The following ATP10B variants were observed in gnomAD, a reference collection of about 807,000 sequenced individuals.
ATP10B encodes phospholipid-transporting ATPase VB.
In ATP10B, 122 loss-of-function variants were observed where a neutral mutation model predicts 141.2. The observed-to-expected ratio is 0.86, with a 90% CI of 0.75 to 1.00. The LOEUF (loss-of-function observed/expected upper bound fraction) is 1.00, where lower values mean the gene tolerates loss of function less well. Ranked by LOEUF, ATP10B falls within the 50% of genes least tolerant of loss-of-function variation. The probability of loss-of-function intolerance (pLI) is 0.00; values close to 1 mark genes in which losing one functional copy is unlikely to be tolerated. For missense variants in ATP10B, 1,876 were observed against 1,825.3 expected, an observed-to-expected ratio of 1.03 and a Z score of -0.51; for synonymous variants, 685 against 692.0, an observed-to-expected ratio of 0.99 and a Z score of 0.16.
At chr5:160,584,808 A>G (rs141131003) in intron 24 of ATP10B, among the ~76,000 whole-genome samples, 267 of 152,244 alleles carry the variant, frequency 1.8e-3, no homozygotes, top group Non-Finnish European at 2.9e-3. Flanking sequence ...ATTTGAAAAT[A>G]GGATTTATCT....
At chr5:160,607,561 A>G (rs1432581034) in intron 18 of ATP10B, among the ~76,000 whole-genome samples, 1 of 152,198 alleles carries the variant, frequency 6.6e-6, no homozygotes, top group Non-Finnish European at 1.5e-5. Flanking sequence ...GATCATCCAA[A>G]CTTAGTAGTG....
At chr5:160,707,712 T>G (rs536688887) in intron 3 of ATP10B, among the ~76,000 whole-genome samples, 1 of 152,212 alleles carries the variant, frequency 6.6e-6, no homozygotes, top group African/African-American at 2.4e-5. Flanking sequence ...TCAAAATGAC[T>G]AAGAATCTGC....
At position 160,612,815 on chromosome 5, in the gene ATP10B, C is replaced by A. The variant is rs772849289; in HGVS notation, c.2764G>T (p.Ala922Ser). The change falls in exon 18 of 26, where the codon GCG becomes TCG. Residue 922 changes from alanine to serine, a missense_variant. Physicochemically the swap from Ala to Ser is moderately conservative, Grantham distance 99. Coordinates refer to ENST00000327245, the MANE Select transcript of ATP10B (RefSeq NM_025153.3). ...CTGCAGGAATGGGCAATGTTGACCG[C>A]TGTCTCCTGCTTATCTCCAGTCAGG... The part of the protein sequence containing the change: ...WVLTGDKQET[A>S]VNIAHSCRLL... 1 of 1,614,130 alleles carries A rather than the reference C, an allele frequency of 6.2e-7. No individual in the cohort carries two copies. Among genetic ancestry groups the A allele is most frequent in the Non-Finnish European group, 8.5e-7 (1 of 1,179,998 alleles).
Position 160,775,762 on chromosome 5 carries a change from G to C in ATP10B, c.-331+9797C>G, listed in dbSNP as rs187374440. 9.7e-3 allele frequency among the ~76,000 whole-genome samples: 1,418 copies of C among 146,682 alleles called. 36 individuals are homozygous for C. Among genetic ancestry groups the C allele is most frequent in the Admixed American group, 0.051 (724 of 14,282 alleles). On this transcript the variant is annotated intron_variant, in intron 2 of 25. Coordinates refer to ENST00000327245, the MANE Select transcript of ATP10B (RefSeq NM_025153.3). ...GTGGCGCGATCTCGGCTCGCTGCAA[G>C]CTCCGCCTCCTGGGTTCACGCCATT...
chr5:160,709,583 T>A (rs1340209594), intron 3 of ATP10B, among the ~76,000 whole-genome samples: 3 of 148,846 alleles, frequency 2.0e-5, no homozygotes, highest in African/African-American at 5.0e-5. Context: ...AATGGATACT[T>A]TCATAAACAA....
chr5:160,721,750 C>T (rs1156655097), intron 2 of ATP10B, among the ~76,000 whole-genome samples: 2 of 152,152 alleles, frequency 1.3e-5, no homozygotes, highest in Non-Finnish European at 1.5e-5. Context: ...TTATATTCCC[C>T]GATTACTATC....
At position 160,705,399 on chromosome 5, in the gene ATP10B, A is replaced by AT. The variant is rs528590860; in HGVS notation, c.-205+11509dup. ...GCCATGCCTGGCTATTTTCTTTTGT[A>AT]TTTTTTTTTGTAGAGATGGGGGTCT... On this transcript the variant is annotated intron_variant, in intron 3 of 25. Transcript: ENST00000327245. Among the ~76,000 whole-genome samples, 92 of 150,664 alleles carry AT rather than the reference A, an allele frequency of 6.1e-4. No homozygotes were observed. In the South Asian group the frequency reaches 9.4e-3, roughly 15 times the overall value.
intron 1 of ATP10B, among the ~76,000 whole-genome samples, chr5:160,787,342 C>T (rs992975405): frequency 8.5e-5 from 13 of 152,096 alleles, no homozygotes; most frequent in African/African-American, 2.9e-4. Flanking sequence ...CCTGATCTGT[C>T]CTCCTTTACT....
intron 2 of ATP10B, among the ~76,000 whole-genome samples, chr5:160,778,507 G>A (rs970298594): frequency 6.6e-6 from 1 of 152,112 alleles, no homozygotes; most frequent in Non-Finnish European, 1.5e-5. Flanking sequence ...TTAAGTATCT[G>A]GGCAGCAGAA....
intron 24 of ATP10B, among the ~76,000 whole-genome samples, chr5:160,570,015 TTTTTG>T (rs986908342): frequency 6.6e-5 from 10 of 152,226 alleles, no homozygotes; most frequent in African/African-American, 2.2e-4. Context: ...TTCGTATGAC[TTTTTG>T]TTTTTTTTCC....
intron 2 of ATP10B, among the ~76,000 whole-genome samples, chr5:160,743,451 T>C (rs2127810063): frequency 6.6e-6 from 1 of 152,316 alleles, no homozygotes; most frequent in South Asian, 2.1e-4. Flanking sequence ...TTATCTTTCT[T>C]CCAGTTTTAT....
At chr5:160,618,009 A>G (rs760436020) in intron 15 of ATP10B, 36 bp from the exon 16 acceptor site, 5 of 1,517,886 alleles carry the variant, frequency 3.3e-6, no homozygotes, top group East Asian at 2.3e-5. Flanking sequence ...GAGGCCACAT[A>G]CAAATGCTCA....
rs545484054 is a variant in ATP10B at position 160,756,333 on chromosome 5, C to T, written c.-331+29226G>A. Reference sequence around the variant, plus strand: ...GCTGTATAAATAAAGCTACTCTGAACGTTTGTCTATAGGTCTTTGTGAGGA... The same window carrying T: ...GCTGTATAAATAAAGCTACTCTGAATGTTTGTCTATAGGTCTTTGTGAGGA... On this transcript the variant is annotated intron_variant, in intron 2 of 25. Coordinates refer to ENST00000327245, the MANE Select transcript of ATP10B (RefSeq NM_025153.3). Among the ~76,000 whole-genome samples the T allele has an allele frequency of 9.2e-5, 14 of 152,190 alleles. 1 individual carries two copies. The South Asian group carries it at 1.0e-3, about 11-fold the overall frequency.
chr5:160,860,094 G>A, the ATP10B span, among the ~76,000 whole-genome samples: 1 of 151,768 alleles, frequency 6.6e-6, no homozygotes, highest in African/African-American at 2.4e-5. Context: ...TCTTTTTGGG[G>A]CAATAGTATG....
the ATP10B span, among the ~76,000 whole-genome samples, chr5:160,928,641 G>A: frequency 1.3e-5 from 2 of 152,132 alleles, no homozygotes; most frequent in African/African-American, 4.8e-5. Flanking sequence ...TCCCAGTCAT[G>A]CTTTGCAAAT....
chr5:160,644,084 G>T, intron 9 of ATP10B, 54 bp downstream of exon 9: 1 of 1,431,774 alleles, frequency 7.0e-7, no homozygotes, highest in Non-Finnish European at 9.9e-7. Context: ...AGATGGATTT[G>T]GAGGGGGAAG....
At chr5:160,709,458 A>G (rs997488406) in intron 3 of ATP10B, among the ~76,000 whole-genome samples, 1 of 152,214 alleles carries the variant, frequency 6.6e-6, no homozygotes, top group African/African-American at 2.4e-5. Flanking sequence ...CAGCTTAACT[A>G]GTAATCAGGG....
chr5:160,635,731 T>C (rs1435620571), intron 11 of ATP10B, among the ~76,000 whole-genome samples: 2 of 152,218 alleles, frequency 1.3e-5, no homozygotes, highest in Non-Finnish European at 2.9e-5. Context: ...CTGTCCTATA[T>C]TGGGCCAGTT....
intron 16 of ATP10B, among the ~76,000 whole-genome samples, chr5:160,616,364 G>GA (rs1757998626): frequency 6.6e-6 from 1 of 152,242 alleles, no homozygotes; most frequent in Admixed American, 6.5e-5. Context: ...GCCTTCTTTT[G>GA]AAGTTTAGGT....
Sources: gnomAD v4.1 joint callset for allele counts (sites outside exome capture counted in the v4.1 genomes callset) on GRCh38, gnomAD v4.1.1 for gene constraint, MANE v1.5 for transcripts, NCBI Gene and HGNC (gene_info 2026-07-23, HGNC 2026-07-21) for gene names.